IMPG1: variants seen among roughly 807,000 people sequenced by gnomAD.
The protein encoded by IMPG1 is interphotoreceptor matrix proteoglycan of 150 kDa.
Under a neutral mutation model 92.0 loss-of-function variants are expected in IMPG1, and 85 were observed. The ratio of observed to expected loss-of-function variants is 0.92; its 90% CI spans 0.78 to 1.11. The LOEUF is 1.11. IMPG1 is among the 50% of genes least tolerant of loss of function. The pLI is 0.00. For synonymous variants in IMPG1, 367 were observed against 334.1 expected (o/e 1.10, Z -1.08); for missense variants, 1,022 against 956.0 (o/e 1.07, Z -0.91).
chr6:75,941,203 G>A (rs1359581639), intron 14 of IMPG1, among the ~76,000 whole-genome samples: 2 of 152,178 alleles, frequency 1.3e-5, no homozygotes, highest in East Asian at 3.9e-4. Context: ...GCATGTATGA[G>A]TGAACAGGTA....
intron 7 of IMPG1, among the ~76,000 whole-genome samples, chr6:76,016,021 AG>A (rs1783281463): frequency 6.6e-6 from 1 of 152,172 alleles, no homozygotes; most frequent in African/African-American, 2.4e-5. Flanking sequence ...TCCTTTCCTC[AG>A]TTACCTCTTA....
intron 14 of IMPG1, among the ~76,000 whole-genome samples, chr6:75,931,741 C>G (rs991975276): frequency 6.6e-6 from 1 of 152,170 alleles, no homozygotes. Flanking sequence ...ATTATTTCTT[C>G]CCTATTAACA....
chr6:75,946,224 T>A (rs970503142), intron 14 of IMPG1, among the ~76,000 whole-genome samples: 3 of 152,232 alleles, frequency 2.0e-5, no homozygotes, highest in African/African-American at 7.2e-5. Context: ...GCTCAATGCC[T>A]ACAGGCGGTC....
In IMPG1 at chr6:75,951,085, C is replaced by T. The variant is rs1166460313; in HGVS notation, c.1301G>A (p.Trp434Ter). Reference sequence around the variant, plus strand: ...GGTAGAGGCCATAGCAGGTGGAGACCAAGAAGTGTCTGTGGAGGAAGTACA... The same window carrying T: ...GGTAGAGGCCATAGCAGGTGGAGACTAAGAAGTGTCTGTGGAGGAAGTACA... ...GAEHGLPDTS[W>*]SPPAMASTSL... is the part of the protein sequence containing the mutation. Residue 434 changes from tryptophan (W) to a stop codon, truncating the protein, a stop_gained, in exon 13 of 17, where the codon TGG becomes TAG. Coordinates refer to ENST00000369950, the MANE Select transcript of IMPG1 (RefSeq NM_001563.4). LOFTEE classifies it high-confidence loss of function. 2 of 1,603,496 alleles carry T rather than the reference C, an allele frequency of 1.2e-6. No individual in the cohort carries two copies. The highest frequency in any genetic ancestry group is 1.7e-6 in the Non-Finnish European group (2 of 1,174,372).
chr6:76,041,919 C>A lies in IMPG1; in HGVS notation c.275G>T (p.Ser92Ile), dbSNP rs766846931. The A allele has an allele frequency of 1.2e-6, 2 of 1,611,998 alleles. No individual in the cohort carries two copies. The highest frequency in any genetic ancestry group is 1.7e-6 in the Non-Finnish European group (2 of 1,178,050). The change falls in exon 2 of 17, where the codon AGT (serine) becomes ATT (isoleucine). Residue 92 changes from serine (S) to isoleucine (I), a missense_variant. Coordinates refer to ENST00000369950, the MANE Select transcript of IMPG1 (RefSeq NM_001563.4). ...TCTCAATCTATAATAAGCTTGAAGA[C>A]TGTCTAAAATCTGTTTCATGGATTC... ...PQESMKQILDSLQAYYRLRVC... is the reference protein window; with the variant it reads ...PQESMKQILDILQAYYRLRVC...
At position 75,950,708 on chromosome 6, in the gene IMPG1, T is replaced by C. The variant is rs1782011153; in HGVS notation, c.1678A>G (p.Thr560Ala). 3 of 1,613,844 alleles carry C rather than the reference T, an allele frequency of 1.9e-6. No homozygotes were observed. The highest frequency in any genetic ancestry group is 1.1e-5 in the South Asian group (1 of 91,070). Residue 560 changes from threonine (T) to alanine (A), a missense_variant, in exon 13 of 17, where the codon ACC becomes GCC. This residue lies in a region of IMPG1 where 332 missense variants were observed against 346.2 expected (regional missense o/e 0.96). Transcript: ENST00000369950. ...TTPVSALQYI[T>A]TSSMTIAPKG... ...GGGGCAATGGTCATAGAACTAGTGGTGATATACTGTAAAGCTGAGACAGGA... is the reference window on the plus strand; with the variant it reads ...GGGGCAATGGTCATAGAACTAGTGGCGATATACTGTAAAGCTGAGACAGGA...
Position 76,041,312 on chromosome 6 carries a change from A to AACC in IMPG1, c.301+578_301+580dup, listed in dbSNP as rs142146997. 8.6e-3 allele frequency among the ~76,000 whole-genome samples: 1,312 copies of AACC among 152,264 alleles called. 19 individuals are homozygous for AACC. The highest frequency in any genetic ancestry group is 0.03 in the African/African-American group (1,244 of 41,546). The stretch of plus-strand genomic sequence containing the variant: ...AAAAGTGGACTGTGACTCTGCTGGA[A>AACC]ACCACTGTAATTGTGTTGTAAATTC... On this transcript the variant is annotated intron_variant, in intron 2 of 16. Coordinates refer to ENST00000369950, the MANE Select transcript of IMPG1 (RefSeq NM_001563.4).
At chr6:76,021,919 T>C (rs1783433285) in intron 6 of IMPG1, among the ~76,000 whole-genome samples, 197 bp downstream of exon 6, 1 of 151,252 alleles carries the variant, frequency 6.6e-6, no homozygotes. Flanking sequence ...TTCTAGGTCT[T>C]AATCTATGCT....
chr6:75,923,625 T>C lies in IMPG1; in HGVS notation c.2316+9A>G, dbSNP rs568915478. On this transcript the variant is annotated intron_variant, in intron 16 of 16. Coordinates refer to ENST00000369950, the MANE Select transcript of IMPG1 (RefSeq NM_001563.4). Reference sequence around the variant, plus strand: ...GTAATTGCAACCAACTTAGAAAGTATGATTTTACCTTGTTATTTTGTTGAT... The same window carrying C: ...GTAATTGCAACCAACTTAGAAAGTACGATTTTACCTTGTTATTTTGTTGAT... The C allele has an allele frequency of 7.2e-7, 1 of 1,386,378 alleles. No homozygotes were observed. Among genetic ancestry groups the C allele is most frequent in the Non-Finnish European group, 1.0e-6 (1 of 975,966 alleles). 85.9% of individuals were successfully genotyped at this position (1,386,378 alleles called of 1,614,324 possible).
chr6:76,065,514 G>C (rs58560541), intron 1 of IMPG1, among the ~76,000 whole-genome samples: 17 of 152,112 alleles, frequency 1.1e-4, no homozygotes, highest in African/African-American at 4.1e-4. Context: ...GCAGATTTTT[G>C]AATTAACCCA....
intron 12 of IMPG1, among the ~76,000 whole-genome samples, chr6:75,983,407 C>A (rs1017413655): frequency 1.3e-5 from 2 of 151,884 alleles, no homozygotes; most frequent in East Asian, 1.9e-4. Context: ...AATAGAGAGC[C>A]CAGAAATAAA....
chr6:75,957,506 G>T (rs888161085), intron 12 of IMPG1, among the ~76,000 whole-genome samples: 2 of 152,140 alleles, frequency 1.3e-5, no homozygotes, highest in Non-Finnish European at 2.9e-5. Flanking sequence ...AGATAGTGGG[G>T]TGTTAAAGTC....
chr6:76,064,835 C>T (rs1171552351), intron 1 of IMPG1, among the ~76,000 whole-genome samples: 2 of 152,130 alleles, frequency 1.3e-5, no homozygotes, highest in African/African-American at 4.8e-5. Context: ...GATGGAACTG[C>T]ACAACCTAAT....
At chr6:76,045,489 C>A (rs1444081016) in intron 1 of IMPG1, among the ~76,000 whole-genome samples, 1 of 134,522 alleles carries the variant, frequency 7.4e-6, no homozygotes. Flanking sequence ...GATACCTTGA[C>A]TACTCTGTTT....
chr6:75,930,858 G>T, intron 15 of IMPG1, 95 bp downstream of exon 15: 1 of 1,160,984 alleles, frequency 8.6e-7, no homozygotes, highest in Non-Finnish European at 1.3e-6. Flanking sequence ...AAAACCATGG[G>T]TTGAAAGGAC....
intron 4 of IMPG1, among the ~76,000 whole-genome samples, chr6:76,030,116 A>G (rs368695953): frequency 4.2e-4 from 64 of 152,314 alleles, no homozygotes; most frequent in African/African-American, 1.5e-3. Context: ...GGGCATGTTA[A>G]TATCTATGGT....
chr6:75,976,977 G>A (rs981379433), intron 12 of IMPG1, among the ~76,000 whole-genome samples: 1 of 151,950 alleles, frequency 6.6e-6, no homozygotes, highest in African/African-American at 2.4e-5. Flanking sequence ...CCTCAGGAGA[G>A]GGCCTTGAAT....
intron 12 of IMPG1, among the ~76,000 whole-genome samples, chr6:75,989,017 T>C (rs1357300146): frequency 6.6e-6 from 1 of 152,184 alleles, no homozygotes; most frequent in Non-Finnish European, 1.5e-5. Context: ...TTTTGTTCTA[T>C]CTCACTTTTC....
intron 12 of IMPG1, among the ~76,000 whole-genome samples, chr6:75,960,753 T>C (rs1393573253): frequency 6.6e-6 from 1 of 152,238 alleles, no homozygotes; most frequent in Non-Finnish European, 1.5e-5. Flanking sequence ...TCCAACATTG[T>C]ATTTTTGCAC....
Sources: allele counts gnomAD v4.1 joint callset (sites outside exome capture counted in the v4.1 genomes callset), GRCh38; gene constraint gnomAD v4.1.1; regional missense constraint gnomAD v4.1.1; transcripts MANE v1.5; gene names NCBI Gene and HGNC (gene_info 2026-07-23, HGNC 2026-07-21).